The following SCML4 variants were observed in gnomAD, a reference collection of about 807,000 sequenced individuals.
SCML4 encodes the protein Scm polycomb group protein like 4, also known as sex comb on midleg-like protein 4.
Under a neutral mutation model 41.1 loss-of-function variants are expected in SCML4, and 34 were observed. The observed-to-expected ratio is 0.83, with a 90% CI of 0.63 to 1.10. SCML4 has a LOEUF of 1.10. Among genes scored for constraint, SCML4 ranks in the 50% least tolerant of loss-of-function variants. The probability of loss-of-function intolerance (pLI) is 0.00; values close to 1 mark genes in which losing one functional copy is unlikely to be tolerated. For missense variants in SCML4, 522 were observed against 534.1 expected (o/e 0.98, Z 0.22); for synonymous variants, 214 against 220.9 (o/e 0.97, Z 0.28).
the SCML4 span, among the ~76,000 whole-genome samples, chr6:107,843,943 G>A: frequency 6.6e-6 from 1 of 152,132 alleles, no homozygotes; most frequent in African/African-American, 2.4e-5. Flanking sequence ...GAGAGAGAGA[G>A]AGAGAGAGAG....
chr6:107,811,732 G>A (rs1386379889), intron 1 of SCML4, among the ~76,000 whole-genome samples: 1 of 152,162 alleles, frequency 6.6e-6, no homozygotes, highest in Non-Finnish European at 1.5e-5. Context: ...GCTCCTGGGG[G>A]CAGTCTGGGC....
In SCML4 at chr6:107,813,370, T is replaced by TTA. The variant is rs543060112; in HGVS notation, c.-60+10754_-60+10755dup. On this transcript the variant is annotated intron_variant, in intron 1 of 7. Coordinates refer to ENST00000369020, the MANE Select transcript of SCML4 (RefSeq NM_198081.5). ...AGAGTGAGACGCCATCTCAAAAAAA[T>TTA]TATATATATATATATATATATATAT... Among the ~76,000 whole-genome samples the TTA allele has an allele frequency of 8.7e-3, 368 of 42,370 alleles. 3 individuals are homozygous for TTA. Among genetic ancestry groups the TTA allele is most frequent in the African/African-American group, 0.016 (116 of 7,304 alleles). The allele number at this position is 42,370 out of a possible 152,430, so 27.8% of individuals were successfully genotyped here.
the SCML4 span, among the ~76,000 whole-genome samples, chr6:107,845,980 T>C: frequency 6.6e-6 from 1 of 152,264 alleles, no homozygotes; most frequent in African/African-American, 2.4e-5. Flanking sequence ...GGGCCTCTGA[T>C]GTGGGGAGAG....
intron 5 of SCML4, among the ~76,000 whole-genome samples, chr6:107,744,690 A>G (rs889392959): frequency 1.3e-5 from 2 of 152,204 alleles, no homozygotes; most frequent in Non-Finnish European, 2.9e-5. Flanking sequence ...AAATTCTAAT[A>G]ATATAGACCT....
At chr6:107,788,203 C>T (rs1409469620) in intron 1 of SCML4, among the ~76,000 whole-genome samples, 1 of 152,220 alleles carries the variant, frequency 6.6e-6, no homozygotes. Flanking sequence ...CATGTTTCTG[C>T]AAGGACCAGG....
intron 1 of SCML4, among the ~76,000 whole-genome samples, chr6:107,789,664 C>A (rs1782171033): frequency 6.6e-6 from 1 of 152,208 alleles, no homozygotes; most frequent in Non-Finnish European, 1.5e-5. Context: ...CCTGCCGGCC[C>A]ACAGCAAAAC....
intron 5 of SCML4, among the ~76,000 whole-genome samples, chr6:107,737,595 TGA>T: frequency 6.6e-6 from 1 of 152,066 alleles, no homozygotes; most frequent in Non-Finnish European, 1.5e-5. Flanking sequence ...TTTCTCTGTG[TGA>T]GCAGGACTCT....
chr6:107,756,238 C>T (rs1779098271), intron 2 of SCML4, among the ~76,000 whole-genome samples: 1 of 152,038 alleles, frequency 6.6e-6, no homozygotes. Context: ...AATGGAGAAA[C>T]CTGATAAATA....
At chr6:107,839,350 AAAGAAAGAAAGAAAGAAG>A in the SCML4 span, among the ~76,000 whole-genome samples, 1 of 50,990 alleles carries the variant, frequency 2.0e-5, no homozygotes, top group Non-Finnish European at 4.3e-5. Flanking sequence ...AAAAAGAAAG[AAAGAAAGAAAGAAAGAAG>A]GAAAGAAAGA....
chr6:107,800,316 G>A (rs73525470), intron 1 of SCML4, among the ~76,000 whole-genome samples: 14 of 152,030 alleles, frequency 9.2e-5, no homozygotes, highest in African/African-American at 3.1e-4. Flanking sequence ...TCCCAGAATC[G>A]CAAGCCCTTT....
At chr6:107,812,408 T>C (rs1469055188) in intron 1 of SCML4, among the ~76,000 whole-genome samples, 1 of 152,252 alleles carries the variant, frequency 6.6e-6, no homozygotes, top group African/African-American at 2.4e-5. Context: ...ACCTTTGTGA[T>C]ATTTGCCATG....
chr6:107,719,104 G>A (rs151126780), intron 6 of SCML4: 1 of 152,310 alleles, frequency 6.6e-6, no homozygotes, highest in Non-Finnish European at 1.5e-5. Context: ...TTGTTCTTAG[G>A]AATCAAATGG....
At chr6:107,817,303 T>A (rs1167383164) in intron 1 of SCML4, among the ~76,000 whole-genome samples, 2 of 152,210 alleles carry the variant, frequency 1.3e-5, no homozygotes, top group South Asian at 4.1e-4. Context: ...GAAATGCATA[T>A]TAGACAAACC....
intron 2 of SCML4, among the ~76,000 whole-genome samples, chr6:107,768,263 C>T (rs776635375): frequency 2.0e-5 from 3 of 152,066 alleles, no homozygotes; most frequent in Non-Finnish European, 4.4e-5. Flanking sequence ...CAGCCTGGGT[C>T]CCCACCCCAT....
intron 1 of SCML4, among the ~76,000 whole-genome samples, chr6:107,797,546 C>T (rs1308480737): frequency 6.6e-6 from 1 of 151,944 alleles, no homozygotes; most frequent in Non-Finnish European, 1.5e-5. Context: ...TTTAGATTTA[C>T]TATATACATA....
chr6:107,767,566 A>G (rs1027260359), intron 2 of SCML4, among the ~76,000 whole-genome samples: 9 of 152,236 alleles, frequency 5.9e-5, no homozygotes, highest in Non-Finnish European at 1.0e-4. Context: ...AAGGATTACA[A>G]AACATTGCAT....
chr6:107,778,222 A>AAAAAAAATATATATATATAT (rs1554218145), intron 1 of SCML4, among the ~76,000 whole-genome samples: 1 of 15,536 alleles, frequency 6.4e-5, no homozygotes, highest in Non-Finnish European at 1.5e-4. Flanking sequence ...AAAAAAAAAA[A>AAAAAAAATATATATATATAT]ATATATATAT....
chr6:107,704,157 A>G lies in SCML4; in HGVS notation c.*1043T>C, dbSNP rs1773395470. The G allele has an allele frequency of 6.6e-6, 1 of 152,358 alleles. No homozygotes were observed. Among genetic ancestry groups the G allele is most frequent in the Non-Finnish European group, 1.5e-5 (1 of 68,028 alleles). The allele number at this position is 152,358 out of a possible 1,614,324, so 9.4% of individuals were successfully genotyped here. ...ACTAGAAAAATTAGCCACAGATACA[A>G]CTACATAACCCAGCAATGTAACTAG... On this transcript the variant is annotated 3_prime_UTR_variant, in exon 8 of 8. Transcript: ENST00000369020.
intron 2 of SCML4, among the ~76,000 whole-genome samples, chr6:107,771,658 C>T (rs1218902590): frequency 1.3e-5 from 2 of 152,198 alleles, no homozygotes; most frequent in African/African-American, 2.4e-5. Flanking sequence ...GGAATTAACA[C>T]GCTGAATTTT....
Sources: allele counts gnomAD v4.1 joint callset (sites outside exome capture counted in the v4.1 genomes callset), GRCh38; gene constraint gnomAD v4.1.1; transcripts MANE v1.5; gene names NCBI Gene and HGNC (gene_info 2026-07-23, HGNC 2026-07-21).